The following ZNF365 variants were observed in gnomAD, a reference collection of about 807,000 sequenced individuals.
The protein encoded by ZNF365 is protein ZNF365.
In ZNF365, 22 loss-of-function variants were observed where a neutral mutation model predicts 35.0. The observed-to-expected ratio is 0.63, with a 90% CI of 0.45 to 0.90. ZNF365 has a LOEUF of 0.90. Among genes scored for constraint, ZNF365 ranks in the 40% least tolerant of loss-of-function variants. The probability of loss-of-function intolerance (pLI) is 0.00; values close to 1 mark genes in which losing one functional copy is unlikely to be tolerated. For synonymous variants in ZNF365, 188 were observed against 196.2 expected (o/e 0.96, Z 0.35); for missense variants, 448 against 500.3 (o/e 0.90, Z 1.00).
At chr10:62,416,405 G>T (rs1840074759) in intron 3 of ZNF365, among the ~76,000 whole-genome samples, 1 of 152,102 alleles carries the variant, frequency 6.6e-6, no homozygotes, top group Non-Finnish European at 1.5e-5. Context: ...TCTGAAGAAT[G>T]CTTTTCATGT....
intron 3 of ZNF365, among the ~76,000 whole-genome samples, chr10:62,420,276 A>G (rs991174318): frequency 6.6e-6 from 1 of 152,200 alleles, no homozygotes; most frequent in East Asian, 1.9e-4. Context: ...TTTGAAATTA[A>G]CTCGTAATAA....
chr10:62,417,079 A>G (rs1046963888), intron 3 of ZNF365, among the ~76,000 whole-genome samples: 4 of 152,098 alleles, frequency 2.6e-5, no homozygotes, highest in Non-Finnish European at 1.5e-5. Flanking sequence ...TTCAAGAGAA[A>G]TAACCTCAGA....
chr10:62,417,202 A>G (rs913483506), intron 3 of ZNF365, among the ~76,000 whole-genome samples: 1 of 152,002 alleles, frequency 6.6e-6, no homozygotes, highest in Non-Finnish European at 1.5e-5. Flanking sequence ...CTTTCTCCTT[A>G]TTTTGTGTCA....
At chr10:62,404,580 A>G (rs1839877077), downstream of ZNF365, among the ~76,000 whole-genome samples, 2 of 152,082 alleles carry the variant, frequency 1.3e-5, no homozygotes, top group Admixed American at 1.3e-4. Context: ...CCATTTGCTT[A>G]GGGGCTGTGA....
At chr10:62,435,309 G>A (rs1018083459) in intron 3 of ZNF365, among the ~76,000 whole-genome samples, 19 of 152,106 alleles carry the variant, frequency 1.2e-4, no homozygotes, top group East Asian at 1.9e-4. Flanking sequence ...CAGGTCTAGC[G>A]TTTGGAGGTA....
intron 3 of ZNF365, among the ~76,000 whole-genome samples, chr10:62,411,612 T>G (rs961187227): frequency 2.6e-5 from 4 of 151,994 alleles, no homozygotes; most frequent in African/African-American, 7.3e-5. Context: ...ATTTCTGAGT[T>G]CTCTATTCTG....
chr10:62,395,504 A>ATTTTTTTTTTTTT (rs67866839), intron 3 of ZNF365, among the ~76,000 whole-genome samples: 17 of 98,462 alleles, frequency 1.7e-4, no homozygotes, highest in African/African-American at 2.7e-4. Flanking sequence ...CACCCGGCTA[A>ATTTTTTTTTTTTT]TTTTTTTTTT....
chr10:62,382,648 G>C (rs754758923), intron 2 of ZNF365, among the ~76,000 whole-genome samples: 13 of 152,202 alleles, frequency 8.5e-5, no homozygotes, highest in Non-Finnish European at 1.6e-4. Context: ...AACAAGAGTA[G>C]AGATGGGCCA....
chr10:62,405,330 A>G (rs1839889191), downstream of ZNF365, among the ~76,000 whole-genome samples: 1 of 152,134 alleles, frequency 6.6e-6, no homozygotes, highest in Non-Finnish European at 1.5e-5. Context: ...TTTCTTATGA[A>G]TATACTTAAG....
intron 3 of ZNF365, among the ~76,000 whole-genome samples, chr10:62,411,848 T>C (rs1319482162): frequency 6.6e-6 from 1 of 152,054 alleles, no homozygotes; most frequent in Non-Finnish European, 1.5e-5. Flanking sequence ...TAAAGTAGTG[T>C]TAAGAGGTAA....
chr10:62,401,204 G>A lies in ZNF365; in HGVS notation c.*1415G>A. ...TAATAATTTATTTTTAAATACTCAT[G>A]GAGAAAGTGTGTGTTTGTGGTGGGT... On this transcript the variant is annotated 3_prime_UTR_variant, in exon 5 of 5. Coordinates refer to ENST00000395254, the MANE Select transcript of ZNF365 (RefSeq NM_014951.3). 1.0e-6 allele frequency: 1 copy of A among 983,296 alleles called. No individual in the cohort carries two copies. Among genetic ancestry groups the A allele is most frequent in the Non-Finnish European group, 1.2e-6 (1 of 828,032 alleles). 60.9% of individuals were successfully genotyped at this position (983,296 alleles called of 1,614,324 possible). A position where few individuals can be genotyped will look rare whatever the true frequency, so the allele number is the denominator to read the frequency against.
chr10:62,380,583 C>G (rs1380409731), intron 2 of ZNF365, among the ~76,000 whole-genome samples: 1 of 152,164 alleles, frequency 6.6e-6, no homozygotes, highest in Admixed American at 6.5e-5. Context: ...CAGGGGTCAA[C>G]TATTTTGCAC....
chr10:62,403,166 G>A (rs577660135), downstream of ZNF365, among the ~76,000 whole-genome samples: 6 of 152,112 alleles, frequency 3.9e-5, no homozygotes, highest in African/African-American at 1.4e-4. Context: ...ATTATCTACC[G>A]TATTCTTACA....
chr10:62,381,621 A>C (rs1329288833), intron 2 of ZNF365, among the ~76,000 whole-genome samples: 1 of 152,142 alleles, frequency 6.6e-6, no homozygotes, highest in African/African-American at 2.4e-5. Context: ...GATTAAAGAA[A>C]ATGTCAGCTG....
At chr10:62,383,454 G>A (rs1282596445) in intron 2 of ZNF365, among the ~76,000 whole-genome samples, 2 of 152,222 alleles carry the variant, frequency 1.3e-5, no homozygotes, top group African/African-American at 4.8e-5. Context: ...TTGGGAAGAG[G>A]AGGAGGAATG....
intron 3 of ZNF365, among the ~76,000 whole-genome samples, chr10:62,457,727 A>G (rs2132478377): frequency 6.6e-6 from 1 of 152,278 alleles, no homozygotes; most frequent in East Asian, 1.9e-4. Context: ...ATATTTATGA[A>G]TGAAGGGCTA....
rs369489394 is a variant in ZNF365, at chr10:62,438,200, T to G, written c.925-21541T>G. Among the ~76,000 whole-genome samples the G allele has an allele frequency of 9.4e-4, 142 of 151,410 alleles. 1 individual carries two copies. Among genetic ancestry groups the G allele is most frequent in the Middle Eastern group, 3.4e-3 (1 of 294 alleles). ...TTTCTTGTTTTTGTTTTTGTTTTTTTTTTTTTGAGACAGAGTCTCACTCCA... is the reference window on the plus strand; with the variant it reads ...TTTCTTGTTTTTGTTTTTGTTTTTTGTTTTTTGAGACAGAGTCTCACTCCA... On this transcript the variant is annotated intron_variant, in intron 3 of 4. Coordinates refer to the ZNF365 transcript ENST00000395255.
rs1354988884 is a variant in ZNF365, at chr10:62,402,293, T to G, written c.*2504T>G. 6.1e-6 allele frequency: 6 copies of G among 985,594 alleles called. No homozygotes were observed. The highest frequency in any genetic ancestry group is 7.2e-6 in the Non-Finnish European group (6 of 829,936). 61.1% of individuals were successfully genotyped at this position (985,594 alleles called of 1,614,324 possible). On this transcript the variant is annotated 3_prime_UTR_variant, in exon 5 of 5. Coordinates refer to ENST00000395254, the MANE Select transcript of ZNF365 (RefSeq NM_014951.3). ...TTTTTCCCTTTTTCCCAAACTAGGT[T>G]ACAGGTTCTTATCTGCAAGGTTCAA...
At chr10:62,389,779 C>G (rs1465181841) in intron 3 of ZNF365, among the ~76,000 whole-genome samples, 1 of 152,218 alleles carries the variant, frequency 6.6e-6, no homozygotes, top group African/African-American at 2.4e-5. Context: ...AGCCCCAGAA[C>G]TTTCCAGAAC....
Sources: gnomAD v4.1 joint callset for allele counts (sites outside exome capture counted in the v4.1 genomes callset) on GRCh38, gnomAD v4.1.1 for gene constraint, MANE v1.5 for transcripts, NCBI Gene and HGNC (gene_info 2026-07-23, HGNC 2026-07-21) for gene names.